The following DMXL2 variants were observed in gnomAD, a reference collection of about 807,000 sequenced individuals.
DMXL2 encodes the protein Dmx like 2, also known as dmX-like protein 2.
DMXL2 carries 103 observed loss-of-function variants against 331.1 expected under a neutral mutation model. The ratio of observed to expected loss-of-function variants is 0.31; its 90% CI spans 0.27 to 0.37. DMXL2 has a LOEUF of 0.37. Among genes scored for constraint, DMXL2 ranks in the 10% least tolerant of loss-of-function variants. DMXL2 has a pLI of 1.00. For missense variants in DMXL2, 3,171 were observed against 3,642.9 expected, an observed-to-expected ratio of 0.87 and a Z score of 3.33; for synonymous variants, 1,281 against 1,252.1, an observed-to-expected ratio of 1.02 and a Z score of -0.49.
chr15:51,578,353 A>T (rs2051184550), intron 1 of DMXL2, among the ~76,000 whole-genome samples: 1 of 152,234 alleles, frequency 6.6e-6, no homozygotes, highest in South Asian at 2.1e-4. Context: ...TGCCATCCCT[A>T]GCAACTAGTG....
chr15:51,481,855 TAAGAAA>T (rs1465157769), intron 23 of DMXL2, among the ~76,000 whole-genome samples: 1 of 152,160 alleles, frequency 6.6e-6, no homozygotes, highest in Non-Finnish European at 1.5e-5. Flanking sequence ...CAGGATACAC[TAAGAAA>T]AAGAAGATGC....
At chr15:51,516,262 T>C (rs943414737) in intron 14 of DMXL2, among the ~76,000 whole-genome samples, 4 of 152,236 alleles carry the variant, frequency 2.6e-5, no homozygotes, top group Non-Finnish European at 5.9e-5. Flanking sequence ...TCCTGAGGGC[T>C]AAAATGGGTT....
chr15:51,479,928 GATCA>G lies in DMXL2; in HGVS notation c.6756+16_6756+19del, dbSNP rs766337382. 6.9e-7 allele frequency: 1 copy of G among 1,453,350 alleles called. No homozygotes were observed. The highest frequency in any genetic ancestry group is 2.4e-5 in the East Asian group (1 of 42,424). 90.0% of individuals were successfully genotyped at this position (1,453,350 alleles called of 1,614,324 possible). A position where few individuals can be genotyped will look rare whatever the true frequency, so the allele number is the denominator to read the frequency against. The stretch of plus-strand genomic sequence containing the variant: ...CTTCTCAGGGTGTATAATATCAAAT[GATCA>G]TAAACTTTACATTACCTTCACATCT... On this transcript the variant is annotated intron_variant, in intron 25 of 43. Transcript: ENST00000560891.
At chr15:51,449,869 C>T (rs1028734012) in intron 43 of DMXL2, among the ~76,000 whole-genome samples, 4 of 152,054 alleles carry the variant, frequency 2.6e-5, no homozygotes, top group African/African-American at 9.7e-5. Context: ...GCATTAAACT[C>T]ATACACTTTA....
intron 32 of DMXL2, 141 bp from the exon 33 acceptor site, chr15:51,463,637 A>T (rs2040316037): frequency 1.8e-6 from 1 of 546,298 alleles, no homozygotes. Flanking sequence ...TGCAAAGAAG[A>T]CACAGCATTA....
intron 1 of DMXL2, among the ~76,000 whole-genome samples, chr15:51,596,880 A>C (rs140980056): frequency 1.3e-5 from 2 of 151,978 alleles, no homozygotes; most frequent in Non-Finnish European, 2.9e-5. Flanking sequence ...ATAAGAACAC[A>C]TGGACACAGG....
At chr15:51,500,356 C>A in intron 17 of DMXL2, 125 bp from the exon 18 acceptor site, 1 of 985,636 alleles carries the variant, frequency 1.0e-6, no homozygotes, top group Admixed American at 3.0e-5. Context: ...AATATCTCTG[C>A]AGTCTTCCTC....
chr15:51,475,751 A>G (rs1230440543), intron 27 of DMXL2, among the ~76,000 whole-genome samples: 1 of 152,234 alleles, frequency 6.6e-6, no homozygotes. Flanking sequence ...ATTAGAGAAC[A>G]TAAATGTTAA....
intron 15 of DMXL2, among the ~76,000 whole-genome samples, chr15:51,507,731 C>T (rs1393203998): frequency 3.4e-4 from 51 of 151,384 alleles, no homozygotes; most frequent in Non-Finnish European, 1.0e-4. Flanking sequence ...GGGGCACTTA[C>T]GCCTTATTTA....
chr15:51,517,442 T>G (rs1307703226), intron 13 of DMXL2, among the ~76,000 whole-genome samples: 1 of 152,234 alleles, frequency 6.6e-6, no homozygotes, highest in Non-Finnish European at 1.5e-5. Flanking sequence ...AAGACAGACA[T>G]GGCTGAAGAT....
chr15:51,611,906 G>T (rs2053995634), intron 1 of DMXL2, among the ~76,000 whole-genome samples: 1 of 152,194 alleles, frequency 6.6e-6, no homozygotes, highest in Non-Finnish European at 1.5e-5. Flanking sequence ...CACAGGAGGG[G>T]ACAAGTAAGG....
intron 39 of DMXL2, 90 bp downstream of exon 39, chr15:51,455,976 G>A (rs1258088103): frequency 1.2e-5 from 18 of 1,453,934 alleles, no homozygotes; most frequent in Non-Finnish European, 1.6e-5. Context: ...CAGGGTCACT[G>A]AATTCATTTT....
At chr15:51,455,508 CCAGCCT>C (rs1396155617) in intron 39 of DMXL2, among the ~76,000 whole-genome samples, 3 of 152,142 alleles carry the variant, frequency 2.0e-5, no homozygotes, top group Non-Finnish European at 2.9e-5. Context: ...AAGGGATCCT[CCAGCCT>C]CAACCTTCTG....
At chr15:51,576,690 C>T (rs2051072087) in intron 1 of DMXL2, among the ~76,000 whole-genome samples, 1 of 152,150 alleles carries the variant, frequency 6.6e-6, no homozygotes, top group South Asian at 2.1e-4. Flanking sequence ...ATTACATGCA[C>T]TAAGGCAATG....
chr15:51,454,200 G>A (rs972538131), intron 40 of DMXL2: 7 of 152,234 alleles, frequency 4.6e-5, no homozygotes, highest in African/African-American at 1.7e-4. Context: ...AAGAACATAT[G>A]TATAGTTTAG....
At chr15:51,619,765 T>C (rs963903763) in intron 1 of DMXL2, among the ~76,000 whole-genome samples, 8 of 152,192 alleles carry the variant, frequency 5.3e-5, no homozygotes, top group African/African-American at 1.7e-4. Context: ...CATGAGTTAG[T>C]TGCAAGACAG....
chr15:51,559,488 G>A lies in DMXL2; in HGVS notation c.567+3893C>T, dbSNP rs758154677. ...TCAACACTTAGGGAGTCCAAAACAGGAGGATCACTTGAGGTCAGGAGTTCA... is the reference window on the plus strand; with the variant it reads ...TCAACACTTAGGGAGTCCAAAACAGAAGGATCACTTGAGGTCAGGAGTTCA... On this transcript the variant is annotated intron_variant, in intron 6 of 43. Coordinates refer to ENST00000560891, the MANE Select transcript of DMXL2 (RefSeq NM_001378457.1). Among the ~76,000 whole-genome samples the A allele has an allele frequency of 8.5e-5, 13 of 152,250 alleles. No individual in the cohort carries two copies. The South Asian group carries it at 1.4e-3, about 17-fold the overall frequency.
At chr15:51,577,141 T>G (rs976830761) in intron 1 of DMXL2, among the ~76,000 whole-genome samples, 2 of 152,150 alleles carry the variant, frequency 1.3e-5, no homozygotes, top group Non-Finnish European at 2.9e-5. Flanking sequence ...AAAGAAAAGC[T>G]CCATTAAAAG....
At chr15:51,622,407 C>A in intron 1 of DMXL2, 52 bp downstream of exon 1, 1 of 1,549,366 alleles carries the variant, frequency 6.5e-7, no homozygotes, top group African/African-American at 1.4e-5. Context: ...AGGTCCCTGC[C>A]CCCGCGTCTG....
Sources: gnomAD v4.1 joint callset for allele counts (sites outside exome capture counted in the v4.1 genomes callset) on GRCh38, gnomAD v4.1.1 for gene constraint, MANE v1.5 for transcripts, NCBI Gene and HGNC (gene_info 2026-07-23, HGNC 2026-07-21) for gene names.